Variants in LNX1 observed in about 807,000 individuals in gnomAD.
LNX1 encodes the protein ligand of numb-protein X 1, also known as E3 ubiquitin-protein ligase LNX.
Under a neutral mutation model 68.4 loss-of-function variants are expected in LNX1, and 54 were observed. The observed-to-expected ratio is 0.79, with a 90% CI of 0.63 to 0.99. The LOEUF is 0.99. LNX1 is among the 50% of genes least tolerant of loss of function. The pLI, the probability that LNX1 is intolerant of heterozygous loss-of-function variation, is 0.00. For synonymous variants in LNX1, 336 were observed against 350.0 expected (o/e 0.96, Z 0.45); for missense variants, 906 against 926.4 (o/e 0.98, Z 0.29).
chr4:53,644,872 A>T (rs1734823983), intron 1 of LNX1, among the ~76,000 whole-genome samples: 1 of 152,192 alleles, frequency 6.6e-6, no homozygotes, highest in Non-Finnish European at 1.5e-5. Flanking sequence ...GAGATGTGGT[A>T]ACAGGGAGGA....
intron 2 of LNX1, among the ~76,000 whole-genome samples, chr4:53,512,510 G>GTGTGTGTGTA (rs1726427852): frequency 6.6e-6 from 1 of 150,772 alleles, no homozygotes; most frequent in African/African-American, 2.5e-5. Flanking sequence ...GTGTGTGTGT[G>GTGTGTGTGTA]TGTGTGTGCA....
intron 4 of LNX1, 117 bp downstream of exon 4, chr4:53,507,200 T>A: frequency 9.3e-7 from 1 of 1,079,732 alleles, no homozygotes. Flanking sequence ...AAAAATATTG[T>A]ATACCCTTGG....
intron 2 of LNX1, among the ~76,000 whole-genome samples, chr4:53,612,953 G>A (rs1310929914): frequency 6.6e-6 from 1 of 151,794 alleles, no homozygotes; most frequent in Non-Finnish European, 1.5e-5. Flanking sequence ...ATCGTTGAAT[G>A]AGTAAAGCAC....
chr4:53,573,780 A>G lies in LNX1; in HGVS notation c.223T>C (p.Cys75Arg). 1 of 1,612,392 alleles carries G rather than the reference A, an allele frequency of 6.2e-7. No individual in the cohort carries two copies. Among genetic ancestry groups the G allele is most frequent in the Non-Finnish European group, 8.5e-7 (1 of 1,179,240 alleles). Residue 75 changes from cysteine to arginine, a missense_variant, in exon 2 of 11, where the codon TGT becomes CGT. Transcript: ENST00000263925. The part of the protein sequence containing the change: ...LTNFLVEKDF[C>R]PMDRKPLVLQ... ...ACCAGAGGCTTGCGGTCCATGGGAC[A>G]GAAGTCCTTCTCCACCAGGAAGTTG...
At chr4:53,497,614 G>T (rs1473399743) in intron 5 of LNX1, among the ~76,000 whole-genome samples, 2 of 152,180 alleles carry the variant, frequency 1.3e-5, no homozygotes, top group African/African-American at 4.8e-5. Context: ...CAGCCCTTTT[G>T]TTTGTAAGCT....
At chr4:53,538,831 C>A (rs1008209001) in intron 2 of LNX1, among the ~76,000 whole-genome samples, 1 of 152,060 alleles carries the variant, frequency 6.6e-6, no homozygotes, top group East Asian at 1.9e-4. Context: ...GAACAAGAGC[C>A]CTTTTGGGGA....
chr4:53,564,558 C>T (rs1291785850), intron 2 of LNX1, among the ~76,000 whole-genome samples: 2 of 152,212 alleles, frequency 1.3e-5, no homozygotes, highest in Admixed American at 6.5e-5. Flanking sequence ...TGTCCAGCTC[C>T]TAATCCTCAG....
chr4:53,605,506 T>G (rs1271208046), intron 2 of LNX1, among the ~76,000 whole-genome samples: 1 of 152,166 alleles, frequency 6.6e-6, no homozygotes, highest in Non-Finnish European at 1.5e-5. Flanking sequence ...GTAACTATAA[T>G]CTGCATGCTG....
At chr4:53,631,944 G>T (rs1734292052) in intron 1 of LNX1, among the ~76,000 whole-genome samples, 1 of 152,034 alleles carries the variant, frequency 6.6e-6, no homozygotes. Flanking sequence ...AGTAAAATCT[G>T]CTGAAGAAAA....
At chr4:53,631,977 A>T (rs954924657) in intron 1 of LNX1, among the ~76,000 whole-genome samples, 15 of 152,158 alleles carry the variant, frequency 9.9e-5, no homozygotes, top group Admixed American at 9.2e-4. Flanking sequence ...GAGTGGAGAA[A>T]GAGTTGGGGA....
At chr4:53,470,817 C>G (rs1362423576) in intron 9 of LNX1, among the ~76,000 whole-genome samples, 1 of 151,900 alleles carries the variant, frequency 6.6e-6, no homozygotes, top group Non-Finnish European at 1.5e-5. Context: ...GAACTACAAA[C>G]CACTGCTCAA....
At chr4:53,486,993 C>A (rs189157361) in intron 6 of LNX1, among the ~76,000 whole-genome samples, 1 of 152,264 alleles carries the variant, frequency 6.6e-6, no homozygotes, top group African/African-American at 2.4e-5. Context: ...AGTCTGGGAG[C>A]GTTGCACTGT....
At position 53,498,465 on chromosome 4, in the gene LNX1, GAAAC is replaced by G. The variant is rs562279274; in HGVS notation, c.978+172_978+175del. Among the ~76,000 whole-genome samples the G allele has an allele frequency of 8.5e-5, 13 of 152,068 alleles. No individual in the cohort carries two copies. In the South Asian group the frequency reaches 2.7e-3, roughly 32 times the overall value. On this transcript the variant is annotated intron_variant, in intron 5 of 10. Transcript: ENST00000263925. ...AGAGAGTGAAAGAGCAAGACAGAGA[GAAAC>G]AAAGATCTCAATTAAATGACAAATC... is the stretch of plus-strand genomic sequence containing the variant.
chr4:53,604,916 A>G (rs1233017587), intron 2 of LNX1, among the ~76,000 whole-genome samples: 1 of 152,220 alleles, frequency 6.6e-6, no homozygotes, highest in Non-Finnish European at 1.5e-5. Flanking sequence ...TAAAATGTAA[A>G]TGAGTGATGA....
intron 1 of LNX1, chr4:53,579,150 C>T: frequency 2.5e-6 from 1 of 406,556 alleles, no homozygotes; most frequent in Non-Finnish European, 3.3e-6. Context: ...CAGCCATCAG[C>T]ATCTCTGGCC....
chr4:53,649,815 T>C (rs538988953), intron 1 of LNX1, among the ~76,000 whole-genome samples: 1 of 152,292 alleles, frequency 6.6e-6, no homozygotes, highest in African/African-American at 2.4e-5. Flanking sequence ...TTATTGCTTG[T>C]CTGCTTCCCA....
At chr4:53,512,157 T>A (rs10006662) in intron 2 of LNX1, among the ~76,000 whole-genome samples, 2 of 152,142 alleles carry the variant, frequency 1.3e-5, no homozygotes, top group Non-Finnish European at 2.9e-5. Context: ...CAGTGCTGCT[T>A]GACTTAAGGA....
chr4:53,642,374 A>C (rs1734720589), intron 1 of LNX1, among the ~76,000 whole-genome samples: 1 of 152,184 alleles, frequency 6.6e-6, no homozygotes, highest in African/African-American at 2.4e-5. Context: ...TGAACATATT[A>C]AAAATTCAAC....
intron 1 of LNX1, among the ~76,000 whole-genome samples, chr4:53,589,851 T>A (rs1332012688): frequency 6.6e-6 from 1 of 152,210 alleles, no homozygotes; most frequent in Admixed American, 6.5e-5. Context: ...TTCTTCTACC[T>A]GGGGGTACAG....
Sources: gnomAD v4.1 joint callset for allele counts (sites outside exome capture counted in the v4.1 genomes callset) on GRCh38, gnomAD v4.1.1 for gene constraint, MANE v1.5 for transcripts, NCBI Gene and HGNC (gene_info 2026-07-23, HGNC 2026-07-21) for gene names.